COL21A1: variants seen among roughly 807,000 people sequenced by gnomAD.
COL21A1 encodes collagen alpha-1(XXI) chain.
COL21A1 carries 149 observed loss-of-function variants against 137.9 expected under a neutral mutation model. The observed-to-expected ratio is 1.08, with a 90% CI of 0.95 to 1.24. The LOEUF (loss-of-function observed/expected upper bound fraction) is 1.24. COL21A1 is among the 50% of genes most tolerant of loss of function. The pLI, the probability that COL21A1 is intolerant of heterozygous loss-of-function variation, is 0.00. For missense variants in COL21A1, 1,167 were observed against 1,158.4 expected (o/e 1.01, Z -0.11); for synonymous variants, 456 against 391.5 (o/e 1.16, Z -1.95).
intron 1 of COL21A1, among the ~76,000 whole-genome samples, chr6:56,318,226 A>C (rs1297893312): frequency 6.6e-6 from 1 of 152,066 alleles, no homozygotes; most frequent in Non-Finnish European, 1.5e-5. Context: ...CTTCTTCTTT[A>C]TATTCTCTTA....
chr6:56,159,677 A>G (rs1337016985), intron 9 of COL21A1, among the ~76,000 whole-genome samples: 1 of 141,498 alleles, frequency 7.1e-6, no homozygotes, highest in Non-Finnish European at 1.5e-5. Context: ...GGTATCAAGT[A>G]GAGATTCAAT....
intron 22 of COL21A1, among the ~76,000 whole-genome samples, chr6:56,068,266 A>C (rs2114078566): frequency 6.6e-6 from 1 of 151,728 alleles, no homozygotes; most frequent in South Asian, 2.1e-4. Context: ...ATGTTGAAAA[A>C]TAAATAGCAA....
At chr6:56,147,866 C>T (rs62413546) in intron 10 of COL21A1, among the ~76,000 whole-genome samples, 12,727 of 152,122 alleles carry the variant, frequency 0.084, 593 homozygotes, top group Middle Eastern at 0.12. Context: ...CAAGATACTC[C>T]GCAAGCCTGA....
intron 17 of COL21A1, among the ~76,000 whole-genome samples, chr6:56,087,004 G>A (rs894595572): frequency 8.5e-5 from 13 of 152,056 alleles, no homozygotes; most frequent in Admixed American, 7.9e-4. Context: ...CTGATTTGGT[G>A]TCTGTTACCT....
intron 17 of COL21A1, among the ~76,000 whole-genome samples, chr6:56,082,210 G>A (rs1220860447): frequency 6.6e-6 from 1 of 151,862 alleles, no homozygotes; most frequent in Admixed American, 6.6e-5. Flanking sequence ...AGAGATCTGG[G>A]ACCCCTGTCA....
chr6:56,249,466 AT>A (rs1340204477), upstream of COL21A1, among the ~76,000 whole-genome samples: 3 of 152,230 alleles, frequency 2.0e-5, no homozygotes, highest in African/African-American at 7.2e-5. Flanking sequence ...AACAACCCAA[AT>A]GTCTATCAGC....
intron 1 of COL21A1, among the ~76,000 whole-genome samples, chr6:56,213,140 A>G (rs1031429454): frequency 1.3e-5 from 2 of 152,134 alleles, no homozygotes; most frequent in Non-Finnish European, 1.5e-5. Context: ...GGTTGTTTCT[A>G]CAACAAAAGT....
chr6:56,204,114 C>G (rs1196041637), intron 1 of COL21A1, among the ~76,000 whole-genome samples: 1 of 152,032 alleles, frequency 6.6e-6, no homozygotes, highest in East Asian at 1.9e-4. Flanking sequence ...CCAGTGTCAC[C>G]TGGAACGCCA....
intron 1 of COL21A1, among the ~76,000 whole-genome samples, chr6:56,193,782 G>A (rs1196343624): frequency 1.2e-5 from 1 of 81,904 alleles, no homozygotes; most frequent in African/African-American, 5.1e-5. Context: ...TTTTGAGAAG[G>A]AGTCTCACTC....
intron 1 of COL21A1, among the ~76,000 whole-genome samples, chr6:56,378,396 G>A (rs1232812207): frequency 6.6e-6 from 1 of 152,096 alleles, no homozygotes; most frequent in Non-Finnish European, 1.5e-5. Flanking sequence ...AGCTGATAGA[G>A]GAGCCCTTGC....
intron 1 of COL21A1, among the ~76,000 whole-genome samples, chr6:56,204,585 G>C (rs1482440906): frequency 6.6e-6 from 1 of 152,174 alleles, no homozygotes; most frequent in African/African-American, 2.4e-5. Flanking sequence ...CTACTTGACA[G>C]CTCTGAAGAC....
intron 9 of COL21A1, among the ~76,000 whole-genome samples, chr6:56,159,634 C>CTTTTTTTTTTTTTTTTTTTTTTTTT (rs11449474): frequency 8.1e-6 from 1 of 123,578 alleles, no homozygotes. Context: ...CCTGGCCTTA[C>CTTTTTTTTTTTTTTTTTTTTTTTTT]TTTTTTTTTT....
rs1264927779 is a variant in COL21A1, at chr6:56,170,659, G to C, written c.1016C>G (p.Pro339Arg). 7 of 1,590,020 alleles carry C rather than the reference G, an allele frequency of 4.4e-6. No homozygotes were observed. Among genetic ancestry groups the C allele is most frequent in the Non-Finnish European group, 6.0e-6 (7 of 1,165,128 alleles). Residue 339 changes from proline (P) to arginine (R), a missense_variant, in exon 5 of 30, where the codon CCT (proline) becomes CGT (arginine). Coordinates refer to ENST00000244728, the MANE Select transcript of COL21A1 (RefSeq NM_030820.4). ...CCCAGGCATCTTTACCTTAACTTGA[G>C]GGTTAGCAAAGGTAACCACTTGTGA... ...NGSQVVTFAN[P>R]QVKTLFDEGW...
chr6:56,158,432 C>A (rs1365352723), intron 9 of COL21A1, among the ~76,000 whole-genome samples: 1 of 151,436 alleles, frequency 6.6e-6, no homozygotes, highest in African/African-American at 2.4e-5. Flanking sequence ...GCCATCATGC[C>A]CAGCTAATTT....
At chr6:56,278,206 G>A (rs540664879) in intron 1 of COL21A1, among the ~76,000 whole-genome samples, 1 of 152,238 alleles carries the variant, frequency 6.6e-6, no homozygotes, top group East Asian at 1.9e-4. Context: ...TCCACACCCT[G>A]GAGCATTAGA....
chr6:56,258,216 A>G (rs1582737200), intron 1 of COL21A1, among the ~76,000 whole-genome samples: 1 of 152,076 alleles, frequency 6.6e-6, no homozygotes, highest in African/African-American at 2.4e-5. Flanking sequence ...AAACAACACC[A>G]TTTTTTTAAG....
chr6:56,390,390 T>C lies in COL21A1; in HGVS notation c.-39+3581A>G, dbSNP rs112759486. Reference sequence around the variant, plus strand: ...AAACATACTACCAGAGAAAATCACTTTTACACAAATTACAAAATGGCAGTA... The same window carrying C: ...AAACATACTACCAGAGAAAATCACTCTTACACAAATTACAAAATGGCAGTA... On this transcript the variant is annotated intron_variant, in intron 1 of 28. Transcript: ENST00000370819. Among the ~76,000 whole-genome samples, 270 of 151,902 alleles carry C rather than the reference T, an allele frequency of 1.8e-3. 1 individual carries two copies. Among genetic ancestry groups the C allele is most frequent in the African/African-American group, 6.3e-3 (263 of 41,438 alleles).
intron 16 of COL21A1, among the ~76,000 whole-genome samples, chr6:56,121,086 G>A (rs1772461545): frequency 6.6e-6 from 1 of 152,144 alleles, no homozygotes; most frequent in South Asian, 2.1e-4. Context: ...AGATCATTAT[G>A]CTAAGTGAAA....
At chr6:56,208,568 G>A (rs1198245537) in intron 1 of COL21A1, among the ~76,000 whole-genome samples, 2 of 152,288 alleles carry the variant, frequency 1.3e-5, no homozygotes, top group East Asian at 3.9e-4. Context: ...TGGATAGGAA[G>A]AATCAATATC....
Sources: gnomAD v4.1 joint callset for allele counts (sites outside exome capture counted in the v4.1 genomes callset) on GRCh38, gnomAD v4.1.1 for gene constraint, MANE v1.5 for transcripts, NCBI Gene and HGNC (gene_info 2026-07-23, HGNC 2026-07-21) for gene names.